Variants in LACTBL1 observed in about 807,000 individuals in gnomAD.
LACTBL1 encodes the protein beta-lactamase-like protein 1.
Under a neutral mutation model 39.6 loss-of-function variants are expected in LACTBL1, and 29 were observed. The observed-to-expected ratio is 0.73, with a 90% confidence interval of 0.55 to 1.00. The LOEUF (loss-of-function observed/expected upper bound fraction) is 1.00, where lower values mean the gene tolerates loss of function less well. Ranked by LOEUF, LACTBL1 falls within the 50% of genes least tolerant of loss-of-function variation. LACTBL1 has a pLI of 0.00. For missense variants in LACTBL1, 711 were observed against 748.5 expected, an observed-to-expected ratio of 0.95 and a Z score of 0.59; for synonymous variants, 361 against 360.7, an observed-to-expected ratio of 1.00 and a Z score of -0.01.
chr1:22,954,371 G>A (rs1281072705), intron 5 of LACTBL1, among the ~76,000 whole-genome samples: 1 of 152,170 alleles, frequency 6.6e-6, no homozygotes, highest in African/African-American at 2.4e-5. Context: ...GGCTTACACT[G>A]CTCTGGGGAA....
chr1:22,953,356 A>G, exon 6 of LACTBL1: 2 of 1,228,568 alleles, frequency 1.6e-6, no homozygotes, highest in Non-Finnish European at 2.0e-6. Flanking sequence ...CCCGGCGCGC[A>G]CCTCGTAGAA....
Position 22,958,579 on chromosome 1 carries a change from A to G in LACTBL1, c.553+106T>C, listed in dbSNP as rs1640785152. 4.4e-6 allele frequency: 4 copies of G among 914,760 alleles called. No homozygotes were observed. The Admixed American group carries it at 8.6e-5, about 20-fold the overall frequency. 56.7% of individuals were successfully genotyped at this position (914,760 alleles called of 1,614,324 possible). On this transcript the variant is annotated intron_variant, in intron 4 of 5. Coordinates refer to ENST00000426928, the Ensembl canonical transcript of LACTBL1. ...CATGAGAGGGACGTAGGGCCAGTTCAGGAAGCAGAGCCAAGAGTGAGCCCA... is the reference window on the plus strand; with the variant it reads ...CATGAGAGGGACGTAGGGCCAGTTCGGGAAGCAGAGCCAAGAGTGAGCCCA...
rs1018152348 is a variant in LACTBL1, at chr1:22,953,828, G to A, written c.856C>T (p.Leu286Phe). ...GGCCGGTACCAGCCCAGGTCATAGA[G>A]TGGCGCCGGCCGCCCGCTGCCGTAG... The change falls in exon 6 of 6, where the codon CTC (leucine) becomes TTC (phenylalanine). Residue 286 changes from leucine (L) to phenylalanine (F), a missense_variant. By Grantham distance (22) the Leu-to-Phe change is conservative (BLOSUM62 0). Coordinates refer to ENST00000426928, the Ensembl canonical transcript of LACTBL1. 3.9e-6 allele frequency: 6 copies of A among 1,547,748 alleles called. No individual in the cohort carries two copies. The African/African-American group carries it at 4.1e-5, about 11-fold the overall frequency.
chr1:22,964,391 G>T (rs1221221456), intron 1 of LACTBL1, among the ~76,000 whole-genome samples: 1 of 152,188 alleles, frequency 6.6e-6, no homozygotes, highest in Non-Finnish European at 1.5e-5. Flanking sequence ...CTTGTGGACA[G>T]GTCTGGGATA....
exon 6 of LACTBL1, chr1:22,953,726 G>A: frequency 7.5e-7 from 1 of 1,337,428 alleles, no homozygotes; most frequent in Non-Finnish European, 9.5e-7. Context: ...GGCCGCAGGA[G>A]CCGCCGGGGC....
At chr1:22,961,688 C>T (rs1640823962) in intron 2 of LACTBL1, among the ~76,000 whole-genome samples, 1 of 151,628 alleles carries the variant, frequency 6.6e-6, no homozygotes, top group Non-Finnish European at 1.5e-5. Flanking sequence ...AACTGCTGGA[C>T]CACCTTGCCA....
intron 4 of LACTBL1, among the ~76,000 whole-genome samples, chr1:22,957,484 G>A (rs1470845667): frequency 6.6e-6 from 1 of 152,056 alleles, no homozygotes; most frequent in Non-Finnish European, 1.5e-5. Context: ...GCATTGATGG[G>A]TAAGAAGGTC....
chr1:22,972,835 T>A, the LACTBL1 span: 1 of 983,478 alleles, frequency 1.0e-6, no homozygotes, highest in African/African-American at 1.7e-5. Flanking sequence ...ACAGTGCCTC[T>A]GGGAGTCCCC....
exon 4 of LACTBL1, chr1:22,958,767 G>T (rs1383555423): frequency 1.3e-6 from 2 of 1,550,648 alleles, no homozygotes; most frequent in South Asian, 2.4e-5. Context: ...CGTCCATCAG[G>T]CCCTGCTGTT....
At chr1:22,958,033 T>G (rs181517572) in intron 4 of LACTBL1, among the ~76,000 whole-genome samples, 4 of 152,336 alleles carry the variant, frequency 2.6e-5, no homozygotes, top group Admixed American at 2.6e-4. Flanking sequence ...GCTGTTGGTC[T>G]TTGTAATAAT....
At chr1:22,957,133 A>T (rs1222992692) in intron 4 of LACTBL1, among the ~76,000 whole-genome samples, 1 of 152,164 alleles carries the variant, frequency 6.6e-6, no homozygotes, top group Non-Finnish European at 1.5e-5. Context: ...ATGCTGTTAC[A>T]TGCTTTTTTC....
exon 6 of LACTBL1, chr1:22,953,752 G>T: frequency 7.8e-6 from 11 of 1,412,560 alleles, no homozygotes; most frequent in Non-Finnish European, 1.0e-5. Context: ...GCCCAGGAGC[G>T]CCACGGCCAG....
At chr1:22,953,263 C>T (rs1298757259) in exon 6 of LACTBL1, 1 of 1,231,798 alleles carries the variant, frequency 8.1e-7, no homozygotes. Context: ...GTGCAGGTGG[C>T]GCAGCGCCAG....
chr1:22,972,248 G>C, the LACTBL1 span: 3 of 974,380 alleles, frequency 3.1e-6, no homozygotes, highest in African/African-American at 5.3e-5. Context: ...CGGTGGCATG[G>C]TCAGACATGT....
exon 6 of LACTBL1, chr1:22,953,379 G>T (rs1640725415): frequency 4.3e-5 from 53 of 1,228,338 alleles, no homozygotes; most frequent in Admixed American, 2.1e-4. Context: ...TCAGGTTGGC[G>T]AAGGTGAAGT....
At chr1:22,972,334 A>G in the LACTBL1 span, 1 of 985,232 alleles carries the variant, frequency 1.0e-6, no homozygotes, top group Non-Finnish European at 1.2e-6. Flanking sequence ...AAGGCATGGA[A>G]GATTCTGGCT....
chr1:22,964,733 G>A (rs1640859944), intron 1 of LACTBL1, among the ~76,000 whole-genome samples: 1 of 152,252 alleles, frequency 6.6e-6, no homozygotes, highest in Admixed American at 6.5e-5. Flanking sequence ...CTGGGACCCA[G>A]GTAGGGGCTA....
chr1:22,965,172 G>T, intron 1 of LACTBL1, 118 bp downstream of exon 3: 2 of 892,526 alleles, frequency 2.2e-6, no homozygotes, highest in Non-Finnish European at 3.0e-6. Flanking sequence ...GGAGTCCAGA[G>T]CTTCTGAGTC....
chr1:22,963,205 G>T, exon 2 of LACTBL1: 4 of 1,355,150 alleles, frequency 3.0e-6, no homozygotes, highest in Non-Finnish European at 3.8e-6. Flanking sequence ...GTCTCCTCTG[G>T]TCCCAGGGAA....
Sources: gnomAD v4.1 joint callset for allele counts (sites outside exome capture counted in the v4.1 genomes callset) on GRCh38, gnomAD v4.1.1 for gene constraint, MANE v1.5 for transcripts, NCBI Gene and HGNC (gene_info 2026-07-23, HGNC 2026-07-21) for gene names.